The following JAKMIP3 variants were observed in gnomAD, a reference collection of about 807,000 sequenced individuals.
The protein encoded by JAKMIP3 is janus kinase and microtubule-interacting protein 3.
JAKMIP3 carries 58 observed loss-of-function variants against 118.5 expected under a neutral mutation model. The observed-to-expected ratio is 0.49, with a 90% CI of 0.40 to 0.61. The LOEUF (loss-of-function observed/expected upper bound fraction) is 0.61, where lower values mean the gene tolerates loss of function less well. Among genes scored for constraint, JAKMIP3 ranks in the 20% least tolerant of loss-of-function variants. JAKMIP3 has a pLI of 0.00. For synonymous variants in JAKMIP3, 486 were observed against 451.2 expected (o/e 1.08, Z -0.98); for missense variants, 950 against 1,109.0 (o/e 0.86, Z 2.04).
intron 11 of JAKMIP3, among the ~76,000 whole-genome samples, chr10:132,142,954 C>T (rs1359344117): frequency 6.6e-6 from 1 of 152,114 alleles, no homozygotes; most frequent in Non-Finnish European, 1.5e-5. Flanking sequence ...GGGAGAGTGT[C>T]CACAGAGCAT....
At chr10:132,103,389 C>T (rs12781788) in intron 1 of JAKMIP3, among the ~76,000 whole-genome samples, 27,955 of 125,886 alleles carry the variant, frequency 0.22, 3,640 homozygotes, top group African/African-American at 0.36. Context: ...ACATCAGAGA[C>T]GGGGAGGAGC....
At position 132,181,011 on chromosome 10, in the gene JAKMIP3, G is replaced by A. The variant is rs573198415; in HGVS notation, c.*1104-1346G>A. On this transcript the variant is annotated intron_variant, in intron 23 of 23. Coordinates refer to ENST00000684848, the MANE Select transcript of JAKMIP3 (RefSeq NM_001323087.2). ...TAGTGTATTGTGTGTACATGCATGT[G>A]CAGTGTGTATGTGCTGTTTGCACAT... 2.0e-5 allele frequency among the ~76,000 whole-genome samples: 3 copies of A among 151,522 alleles called. No homozygotes were observed. The South Asian group carries it at 6.2e-4, about 31-fold the overall frequency.
At chr10:132,143,290 G>A (rs369017809) in intron 11 of JAKMIP3, among the ~76,000 whole-genome samples, 2 of 152,152 alleles carry the variant, frequency 1.3e-5, no homozygotes, top group Non-Finnish European at 2.9e-5. Context: ...TCAAGGCCTC[G>A]GTTCAGAGCA....
chr10:132,064,883 G>C (rs751308112), upstream of JAKMIP3, among the ~76,000 whole-genome samples: 11 of 152,168 alleles, frequency 7.2e-5, no homozygotes, highest in Non-Finnish European at 1.5e-4. This position sits in a 1 kb window ranked among gnomAD's most constrained non-coding sequence, Gnocchi z 4.4. Context: ...ATGCCTGCCG[G>C]TCTCAGCTTT....
At position 132,112,702 on chromosome 10, in the gene JAKMIP3, A is replaced by G. The variant is rs2047057277; in HGVS notation, c.136-4375A>G. ...CTATAGGAGTGGGGAAATAGTTCCC[A>G]TGAAGGGTCTGGGATTCGGATTCTC... On this transcript the variant is annotated intron_variant, in intron 2 of 23. Transcript: ENST00000684848. The surrounding 1 kb of genome is among the most constrained non-coding windows in gnomAD (Gnocchi z 4.3). Among the ~76,000 whole-genome samples the G allele has an allele frequency of 6.6e-6, 1 of 152,146 alleles. No individual in the cohort carries two copies. Among genetic ancestry groups the G allele is most frequent in the South Asian group, 2.1e-4 (1 of 4,832 alleles).
intron 23 of JAKMIP3, among the ~76,000 whole-genome samples, chr10:132,180,602 CGCGTGTGTGTGTGCGTGT>C (rs2060846613): frequency 8.3e-5 from 1 of 12,066 alleles, no homozygotes; most frequent in Non-Finnish European, 1.6e-4. Flanking sequence ...TGTGTGCGTG[CGCGTGTGTGTGTGCGTGT>C]GTGTGCGTGT....
intron 1 of JAKMIP3, among the ~76,000 whole-genome samples, chr10:132,050,369 T>C (rs1390235040): frequency 1.3e-5 from 2 of 152,194 alleles, no homozygotes; most frequent in Non-Finnish European, 2.9e-5. Context: ...GCTTTCTTCT[T>C]TGTGGTGGTG....
intron 2 of JAKMIP3, among the ~76,000 whole-genome samples, chr10:132,116,134 A>G (rs1215932859): frequency 6.6e-6 from 1 of 152,240 alleles, no homozygotes; most frequent in African/African-American, 2.4e-5. Flanking sequence ...TTCAAACAGT[A>G]ACAACACAAT....
rs79899006 is a variant in JAKMIP3, at chr10:132,180,009, A to G, written c.*1104-2348A>G. On this transcript the variant is annotated intron_variant, in intron 23 of 23. Coordinates refer to ENST00000684848, the MANE Select transcript of JAKMIP3 (RefSeq NM_001323087.2). ...GCTCGGGAAATTCCAGCTAAGACCC[A>G]AAATTCATGGTTTTGATTTGGGGGC... is the stretch of plus-strand genomic sequence containing the variant. Among the ~76,000 whole-genome samples, 764 of 152,282 alleles carry G rather than the reference A, an allele frequency of 5.0e-3. 6 individuals are homozygous for G. Among genetic ancestry groups the G allele is most frequent in the African/African-American group, 0.017 (716 of 41,548 alleles).
At chr10:132,136,539 C>T (rs1564942214) in intron 6 of JAKMIP3, among the ~76,000 whole-genome samples, 1 of 152,236 alleles carries the variant, frequency 6.6e-6, no homozygotes, top group Non-Finnish European at 1.5e-5. Context: ...CCACGTTCCC[C>T]TGCCCTGAGG....
Position 132,153,961 on chromosome 10 carries a change from C to T in JAKMIP3, c.2191C>T (p.Arg731Trp), listed in dbSNP as rs755951582. 3 of 1,612,884 alleles carry T rather than the reference C, an allele frequency of 1.9e-6. No homozygotes were observed. The highest frequency in any genetic ancestry group is 1.1e-5 in the South Asian group (1 of 91,078). ...KGYLDEELDYRKQALDQANKH... is the reference protein window; with the variant it reads ...KGYLDEELDYWKQALDQANKH... ...CTACCTGGACGAGGAGCTGGACTAC[C>T]GGAAACAGGCCTTGGACCAGGCCAA... is the stretch of plus-strand genomic sequence containing the variant. The change falls in exon 19 of 24, where the codon CGG (arginine) becomes TGG (tryptophan). Residue 731 changes from arginine (R) to tryptophan (W), a missense_variant. Coordinates refer to ENST00000684848, the MANE Select transcript of JAKMIP3 (RefSeq NM_001323087.2).
At chr10:132,068,192 C>A (rs1478926176) in intron 1 of JAKMIP3, among the ~76,000 whole-genome samples, 2 of 146,494 alleles carry the variant, frequency 1.4e-5, no homozygotes, top group Admixed American at 1.4e-4. Context: ...CTGTGGGCTT[C>A]CATGTGGACT....
At chr10:132,170,936 C>G (rs563686717) in intron 23 of JAKMIP3, among the ~76,000 whole-genome samples, 1 of 152,230 alleles carries the variant, frequency 6.6e-6, no homozygotes, top group Admixed American at 6.5e-5. Flanking sequence ...TGGCCCCAAG[C>G]GTCACGTTGC....
chr10:132,104,568 A>G (rs897107773), intron 1 of JAKMIP3, 104 bp from the exon 2 acceptor site: 51 of 540,370 alleles, frequency 9.4e-5, no homozygotes, highest in East Asian at 4.4e-4. Flanking sequence ...CAGCACTGCA[A>G]TGAGGTGGGG....
intron 2 of JAKMIP3, among the ~76,000 whole-genome samples, chr10:132,108,070 G>A (rs1295856567): frequency 6.6e-6 from 1 of 152,204 alleles, no homozygotes; most frequent in East Asian, 1.9e-4. Context: ...GGGACCAGTG[G>A]GGTTCAAGAT....
rs571521156 is a variant in JAKMIP3 at position 132,038,749 on chromosome 10, C to T, written c.-138+2011C>T. On this transcript the variant is annotated intron_variant, in intron 1 of 23. Coordinates refer to the JAKMIP3 transcript ENST00000657785. ...AAGAGGTTGCAATGAGCTGAGATCG[C>T]GCCACTGCACTCCAGCCTGGGCAAC... 4.0e-3 allele frequency among the ~76,000 whole-genome samples: 591 copies of T among 149,114 alleles called. 5 individuals are homozygous for T. The highest frequency in any genetic ancestry group is 5.4e-3 in the Non-Finnish European group (368 of 67,674).
chr10:132,042,574 T>G lies in JAKMIP3; in HGVS notation c.-138+5836T>G, dbSNP rs144948642. Among the ~76,000 whole-genome samples, 92 of 152,206 alleles carry G rather than the reference T, an allele frequency of 6.0e-4. 3 individuals carry two copies. The East Asian group carries it at 6.4e-3, about 11-fold the overall frequency. On this transcript the variant is annotated intron_variant, in intron 1 of 23. Coordinates refer to the JAKMIP3 transcript ENST00000657785. ...CCCTGGATCACCTGGAGTTCCTCCC[T>G]CCCCATCCTGGCTGCAGGGATGAGT...
intron 5 of JAKMIP3, among the ~76,000 whole-genome samples, 186 bp downstream of exon 5, chr10:132,135,346 T>C (rs2051527995): frequency 3.3e-5 from 5 of 152,222 alleles, no homozygotes; most frequent in Admixed American, 3.3e-4. Flanking sequence ...GGGTCACATT[T>C]GCCCCTCAAG....
intron 3 of JAKMIP3, among the ~76,000 whole-genome samples, chr10:132,121,091 TG>T (rs2048469853): frequency 6.6e-6 from 1 of 151,056 alleles, no homozygotes; most frequent in South Asian, 2.1e-4. Context: ...GACAGGGGAC[TG>T]GGGGCAGTCA....
Sources: allele counts gnomAD v4.1 joint callset (sites outside exome capture counted in the v4.1 genomes callset), GRCh38; gene constraint gnomAD v4.1.1; non-coding constraint Gnocchi (gnomAD v3.1); transcripts MANE v1.5; gene names NCBI Gene and HGNC (gene_info 2026-07-23, HGNC 2026-07-21).